Variants in FAHD2A observed in about 807,000 individuals in gnomAD.
The protein encoded by FAHD2A is oxaloacetate tautomerase FAHD2A, mitochondrial.
In FAHD2A, 27 loss-of-function variants were observed where a neutral mutation model predicts 33.4. That is an observed-to-expected ratio of 0.81 (90% CI 0.60 to 1.11). FAHD2A has a LOEUF of 1.11. FAHD2A is among the 50% of genes most tolerant of loss of function. The probability of loss-of-function intolerance (pLI) is 0.00; values close to 1 mark genes in which losing one functional copy is unlikely to be tolerated. For missense variants in FAHD2A, 296 were observed against 395.0 expected (o/e 0.75, Z 2.12); for synonymous variants, 130 against 153.3 (o/e 0.85, Z 1.12).
At chr2:95,404,022 C>T (rs1415113662) in intron 1 of FAHD2A, among the ~76,000 whole-genome samples, 2 of 152,172 alleles carry the variant, frequency 1.3e-5, no homozygotes, top group Admixed American at 6.5e-5. Flanking sequence ...TGGTGGGCCA[C>T]AACAGTGGTG....
At chr2:95,420,240 C>T (rs1683296556), downstream of FAHD2A, among the ~76,000 whole-genome samples, 1 of 152,130 alleles carries the variant, frequency 6.6e-6, no homozygotes, top group East Asian at 1.9e-4. Context: ...GACACCTGGG[C>T]ACCCCATGGT....
intron 1 of FAHD2A, among the ~76,000 whole-genome samples, chr2:95,403,922 G>C (rs1217789012): frequency 6.6e-6 from 1 of 152,198 alleles, no homozygotes; most frequent in Non-Finnish European, 1.5e-5. Context: ...TGTGCACATT[G>C]GCTCGAACAG....
chr2:95,406,557 G>GT (rs1191554317), intron 2 of FAHD2A, among the ~76,000 whole-genome samples: 6 of 152,186 alleles, frequency 3.9e-5, no homozygotes, highest in South Asian at 2.1e-4. Flanking sequence ...AAAATCAGTT[G>GT]TTTTTTTAAA....
chr2:95,410,680 G>A lies in FAHD2A; in HGVS notation c.522+94G>A, dbSNP rs1375156990. 57 of 1,573,068 alleles carry A rather than the reference G, an allele frequency of 3.6e-5. 1 individual carries two copies. The South Asian group carries it at 5.7e-4, about 16-fold the overall frequency. ...CTGACCCCACTCACCAACACACGGT[G>A]CCAGCTGTCCCTGACACTAGGAAGC... On this transcript the variant is annotated intron_variant, in intron 4 of 7. Coordinates refer to ENST00000233379, the MANE Select transcript of FAHD2A (RefSeq NM_016044.3).
At chr2:95,418,664 T>C (rs1021025285), downstream of FAHD2A, among the ~76,000 whole-genome samples, 1 of 151,896 alleles carries the variant, frequency 6.6e-6, no homozygotes, top group African/African-American at 2.4e-5. Flanking sequence ...CTCACAAAGA[T>C]GGGGAATGAG....
rs1459646948 is a variant in FAHD2A at position 95,416,275 on chromosome 2, A to G, written c.*3318A>G. 6.6e-6 allele frequency: 1 copy of G among 152,214 alleles called. No homozygotes were observed. Among genetic ancestry groups the G allele is most frequent in the Non-Finnish European group, 1.5e-5 (1 of 68,066 alleles). The allele number at this position is 152,214 out of a possible 1,614,324, so 9.4% of individuals were successfully genotyped here. A position where few individuals can be genotyped will look rare whatever the true frequency, so the allele number is the denominator to read the frequency against. ...CTCTGAGGCCAAAGCCTTTGTGGCA[A>G]TTGTCAAATGAGTCCATATGCAGTG... On this transcript the variant is annotated 3_prime_UTR_variant, in exon 8 of 8. Coordinates refer to ENST00000233379, the MANE Select transcript of FAHD2A (RefSeq NM_016044.3).
rs913659148 is a variant in FAHD2A, at chr2:95,413,299, GAA to G, written c.*343_*344del. ...TCGTCCCCTTGTTTATCACATCAAA[GAA>G]GGGAAAAAGCAAGAGATGGCAAGGG... On this transcript the variant is annotated 3_prime_UTR_variant, in exon 8 of 8. Transcript: ENST00000233379. 1.6e-4 allele frequency: 228 copies of G among 1,426,532 alleles called. No individual in the cohort carries two copies. The Middle Eastern group carries it at 2.1e-3, about 13-fold the overall frequency. The allele number at this position is 1,426,532 out of a possible 1,614,324, so 88.4% of individuals were successfully genotyped here.
chr2:95,411,535 G>C (rs113786669), intron 5 of FAHD2A, among the ~76,000 whole-genome samples: 2 of 152,332 alleles, frequency 1.3e-5, no homozygotes, highest in South Asian at 4.1e-4. Flanking sequence ...TGGTGGAGGT[G>C]GGGGGTGTCC....
intron 3 of FAHD2A, among the ~76,000 whole-genome samples, chr2:95,408,035 ATTTTTTTTTT>A (rs11377714): frequency 0.056 from 5,275 of 94,808 alleles, 142 homozygotes; most frequent in Non-Finnish European, 0.071. Context: ...GCAAACACAC[ATTTTTTTTTT>A]TTTTTTTTTT....
At chr2:95,404,058 G>A (rs1307354634) in intron 1 of FAHD2A, among the ~76,000 whole-genome samples, 1 of 152,178 alleles carries the variant, frequency 6.6e-6, no homozygotes, top group African/African-American at 2.4e-5. Context: ...ATCTTCAACT[G>A]AACAAGGCAG....
chr2:95,412,585 A>T, intron 6 of FAHD2A, 43 bp downstream of exon 6: 2 of 1,613,704 alleles, frequency 1.2e-6, no homozygotes, highest in Non-Finnish European at 1.7e-6. Context: ...TTCACCTGCC[A>T]CACATGTGGA....
In FAHD2A at chr2:95,416,261, A is replaced by G. The variant is rs1683160507; in HGVS notation, c.*3304A>G. 6.6e-6 allele frequency: 1 copy of G among 152,354 alleles called. No individual in the cohort carries two copies. The highest frequency in any genetic ancestry group is 3.4e-3 in the Middle Eastern group (1 of 296). 9.4% of individuals were successfully genotyped at this position (152,354 alleles called of 1,614,324 possible). A position where few individuals can be genotyped will look rare whatever the true frequency, so the allele number is the denominator to read the frequency against. ...TATCCTTAAAGTGCCTCTGAGGCCA[A>G]AGCCTTTGTGGCAATTGTCAAATGA... On this transcript the variant is annotated 3_prime_UTR_variant, in exon 8 of 8. Coordinates refer to ENST00000233379, the MANE Select transcript of FAHD2A (RefSeq NM_016044.3).
intron 7 of FAHD2A, 37 bp from the exon 8 acceptor site, chr2:95,412,858 G>A (rs1242307166): frequency 2.7e-5 from 44 of 1,614,138 alleles, no homozygotes; most frequent in Non-Finnish European, 3.1e-5. Context: ...TGTGTCTGAC[G>A]GAAGGGCTGA....
rs1683064265 is a variant in FAHD2A at position 95,415,480 on chromosome 2, C to G, written c.*2523C>G. On this transcript the variant is annotated 3_prime_UTR_variant, in exon 8 of 8. Transcript: ENST00000233379. ...ATTAGTAGGAACATGTGAGATGAAG[C>G]ATGTTATGTTATTAGGCATTCTCTT... 6.6e-6 allele frequency: 1 copy of G among 151,702 alleles called. No homozygotes were observed. Among genetic ancestry groups the G allele is most frequent in the Non-Finnish European group, 1.5e-5 (1 of 67,940 alleles). 9.4% of individuals were successfully genotyped at this position (151,702 alleles called of 1,614,324 possible).
Position 95,414,117 on chromosome 2 carries a change from T to G in FAHD2A, c.*1160T>G, listed in dbSNP as rs1429815996. 7.4e-6 allele frequency: 11 copies of G among 1,477,170 alleles called. No individual in the cohort carries two copies. The highest frequency in any genetic ancestry group is 4.5e-5 in the East Asian group (2 of 44,040). 91.5% of individuals were successfully genotyped at this position (1,477,170 alleles called of 1,614,324 possible). On this transcript the variant is annotated 3_prime_UTR_variant, in exon 8 of 8. Transcript: ENST00000233379. Reference sequence around the variant, plus strand: ...TTAAAGAAGCCCAGGGAGGGATAGATCTCCGACTGGACAGAAGACTACTCT... The same window carrying G: ...TTAAAGAAGCCCAGGGAGGGATAGAGCTCCGACTGGACAGAAGACTACTCT...
chr2:95,407,139 C>T lies in FAHD2A; in HGVS notation c.444C>T (p.Val148=), dbSNP rs1333467751. 5 of 1,611,930 alleles carry T rather than the reference C, an allele frequency of 3.1e-6. No individual in the cohort carries two copies. Among genetic ancestry groups the T allele is most frequent in the African/African-American group, 1.3e-5 (1 of 74,860 alleles). The change falls in exon 3 of 8, where the codon GTC becomes GTT. Residue 148 remains valine (V), a synonymous_variant. Coordinates refer to ENST00000233379, the MANE Select transcript of FAHD2A (RefSeq NM_016044.3). ...TCGTGGGGCCCTATGATGAGGTGGT[C>T]CTCCCACCACAGAGCCAGGTCAGTG... is the stretch of plus-strand genomic sequence containing the variant. ...SSIVGPYDEV[V]LPPQSQEVDW...
chr2:95,418,010 C>T (rs1202643005), downstream of FAHD2A, among the ~76,000 whole-genome samples: 8 of 152,000 alleles, frequency 5.3e-5, no homozygotes, highest in African/African-American at 1.2e-4. Flanking sequence ...GTATCTCAGA[C>T]GATAGAATCG....
At position 95,414,112 on chromosome 2, in the gene FAHD2A, A is replaced by T. The variant is rs2104383734; in HGVS notation, c.*1155A>T. 2.7e-6 allele frequency: 4 copies of T among 1,468,314 alleles called. No individual in the cohort carries two copies. The highest frequency in any genetic ancestry group is 3.8e-6 in the Non-Finnish European group (4 of 1,060,786). 91.0% of individuals were successfully genotyped at this position (1,468,314 alleles called of 1,614,324 possible). A position where few individuals can be genotyped will look rare whatever the true frequency, so the allele number is the denominator to read the frequency against. On this transcript the variant is annotated 3_prime_UTR_variant, in exon 8 of 8. Transcript: ENST00000233379. Reference sequence around the variant, plus strand: ...CTTGTTTAAAGAAGCCCAGGGAGGGATAGATCTCCGACTGGACAGAAGACT... The same window carrying T: ...CTTGTTTAAAGAAGCCCAGGGAGGGTTAGATCTCCGACTGGACAGAAGACT...
In FAHD2A at chr2:95,410,468, C is replaced by T. The variant is rs977691451; in HGVS notation, c.463-59C>T. 4.5e-6 allele frequency: 7 copies of T among 1,566,814 alleles called. No homozygotes were observed. In the African/African-American group the frequency reaches 6.8e-5, roughly 15 times the overall value. ...CCCTTCAGCATGGTGTGCAGCCTCT[C>T]AGCATGGACAGTGGGCCCTGAAGCC... On this transcript the variant is annotated intron_variant, in intron 3 of 7. Transcript: ENST00000233379.
Sources: allele counts gnomAD v4.1 joint callset (sites outside exome capture counted in the v4.1 genomes callset), GRCh38; gene constraint gnomAD v4.1.1; transcripts MANE v1.5; gene names NCBI Gene and HGNC (gene_info 2026-07-23, HGNC 2026-07-21).